Variants in DENND1A observed in about 807,000 individuals in gnomAD.
The protein encoded by DENND1A is DENN domain containing 1A.
Under a neutral mutation model 113.7 loss-of-function variants are expected in DENND1A, and 51 were observed. The ratio of observed to expected loss-of-function variants is 0.45; its 90% CI spans 0.36 to 0.57. DENND1A has a LOEUF of 0.57. DENND1A is among the 20% of genes least tolerant of loss of function. DENND1A has a pLI of 0.00. For missense variants in DENND1A, 1,258 were observed against 1,395.9 expected (o/e 0.90, Z 1.57); for synonymous variants, 565 against 570.8 (o/e 0.99, Z 0.14).
At chr9:123,394,460 G>A (rs1356029456) in intron 21 of DENND1A, among the ~76,000 whole-genome samples, 1 of 152,124 alleles carries the variant, frequency 6.6e-6, no homozygotes, top group Admixed American at 6.5e-5. Context: ...CAAGTCTGGG[G>A]GTGGTGCAAG....
chr9:123,818,393 C>T (rs1837868525), intron 2 of DENND1A, among the ~76,000 whole-genome samples: 1 of 152,012 alleles, frequency 6.6e-6, no homozygotes, highest in Non-Finnish European at 1.5e-5. Context: ...CGTGAGCCAC[C>T]GCACCTGGCC....
At chr9:123,729,933 A>G (rs1338645329) in intron 5 of DENND1A, among the ~76,000 whole-genome samples, 1 of 152,230 alleles carries the variant, frequency 6.6e-6, no homozygotes, top group Non-Finnish European at 1.5e-5. Context: ...GGAACAGAAC[A>G]GAGGCCTTAG....
chr9:123,570,027 C>T (rs994270305), intron 12 of DENND1A, among the ~76,000 whole-genome samples: 1 of 152,142 alleles, frequency 6.6e-6, no homozygotes, highest in Non-Finnish European at 1.5e-5. Flanking sequence ...CAACCACACA[C>T]CCTATGTTCT....
chr9:123,704,140 G>A (rs1448526039), intron 5 of DENND1A, among the ~76,000 whole-genome samples: 3 of 143,740 alleles, frequency 2.1e-5, no homozygotes, highest in African/African-American at 2.6e-5. Flanking sequence ...CTAGAGGCCC[G>A]AAAAATAAAA....
intron 1 of DENND1A, among the ~76,000 whole-genome samples, chr9:123,916,280 GA>G (rs1476447454): frequency 6.6e-6 from 1 of 151,904 alleles, no homozygotes; most frequent in East Asian, 1.9e-4. Context: ...ATTATAAAAT[GA>G]GAAAAGTTAA....
chr9:123,794,848 A>G (rs1833529931), intron 2 of DENND1A, among the ~76,000 whole-genome samples: 3 of 152,184 alleles, frequency 2.0e-5, no homozygotes, highest in Admixed American at 1.3e-4. Flanking sequence ...AAATCAACCT[A>G]TCTTAACACA....
At chr9:123,718,099 C>T (rs2067100069) in intron 5 of DENND1A, among the ~76,000 whole-genome samples, 1 of 152,170 alleles carries the variant, frequency 6.6e-6, no homozygotes, top group Admixed American at 6.5e-5. Context: ...CTGACAGATA[C>T]ATTTTGTAAA....
At chr9:123,555,045 T>C (rs10818834) in intron 13 of DENND1A, among the ~76,000 whole-genome samples, 56,035 of 152,010 alleles carry the variant, frequency 0.37, 11,400 homozygotes, top group African/African-American at 0.55. Flanking sequence ...ATTAAGCATT[T>C]CCTTTTGCAA....
intron 20 of DENND1A, among the ~76,000 whole-genome samples, chr9:123,404,165 C>T (rs376834838): frequency 6.6e-6 from 1 of 152,270 alleles, no homozygotes; most frequent in African/African-American, 2.4e-5. Context: ...CTTCCTAACC[C>T]CACAGCTGCT....
chr9:123,534,196 C>T (rs1421490299), intron 13 of DENND1A, among the ~76,000 whole-genome samples: 1 of 152,222 alleles, frequency 6.6e-6, no homozygotes, highest in Non-Finnish European at 1.5e-5. Flanking sequence ...AGTTTTTCCA[C>T]TGCCTCCTCT....
At chr9:123,737,091 G>C (rs1194401524) in intron 5 of DENND1A, among the ~76,000 whole-genome samples, 2 of 152,168 alleles carry the variant, frequency 1.3e-5, no homozygotes, top group African/African-American at 4.8e-5. Context: ...TCCTGCCTGG[G>C]TTAAAATTAT....
In DENND1A at chr9:123,526,709, T is replaced by C. The variant is rs1282951743; in HGVS notation, c.993+30861A>G. ...ATTCGCATCCCTTGGCGTTGGCATG[T>C]TATCCTGGATTTATCCTCACCTTTC... is the stretch of plus-strand genomic sequence containing the variant. On this transcript the variant is annotated intron_variant, in intron 13 of 23. Transcript: ENST00000394215. Among the ~76,000 whole-genome samples, 4 of 152,224 alleles carry C rather than the reference T, an allele frequency of 2.6e-5. No individual in the cohort carries two copies. In the East Asian group the frequency reaches 7.7e-4, roughly 29 times the overall value.
In DENND1A at chr9:123,802,940, G is replaced by C. The variant is rs142628004; in HGVS notation, c.89-10310C>G. Among the ~76,000 whole-genome samples, 654 of 152,274 alleles carry C rather than the reference G, an allele frequency of 4.3e-3. 4 individuals carry two copies. The highest frequency in any genetic ancestry group is 0.015 in the African/African-American group (618 of 41,548). On this transcript the variant is annotated intron_variant, in intron 2 of 23. Transcript: ENST00000394215. ...TGGTCTCTAACTCCCAACCTCAGGT[G>C]ATCTGCCCTCCTCAGCCTCCCAAAG...
chr9:123,669,805 G>GTTTC (rs1197368914), intron 7 of DENND1A, among the ~76,000 whole-genome samples: 4 of 152,236 alleles, frequency 2.6e-5, no homozygotes, highest in African/African-American at 4.8e-5. Flanking sequence ...TTGTAACAAG[G>GTTTC]TTTCTTTCTT....
intron 6 of DENND1A, among the ~76,000 whole-genome samples, chr9:123,675,386 G>C (rs773364119): frequency 1.3e-5 from 2 of 152,102 alleles, no homozygotes; most frequent in Non-Finnish European, 2.9e-5. Context: ...GCAAGACTTC[G>C]TAGAGCTTAC....
chr9:123,743,450 G>A (rs1230695950), intron 5 of DENND1A, among the ~76,000 whole-genome samples: 1 of 149,834 alleles, frequency 6.7e-6, no homozygotes. Flanking sequence ...TAAAAACATA[G>A]GCCGGGCGCG....
chr9:123,594,479 C>T (rs963251739), intron 11 of DENND1A, among the ~76,000 whole-genome samples: 20 of 151,986 alleles, frequency 1.3e-4, no homozygotes, highest in African/African-American at 4.8e-4. Context: ...TTTATTCTAC[C>T]CAAGGCATGG....
intron 13 of DENND1A, among the ~76,000 whole-genome samples, chr9:123,494,406 A>T (rs1305729241): frequency 6.6e-6 from 1 of 152,166 alleles, no homozygotes; most frequent in Non-Finnish European, 1.5e-5. Context: ...TGGTGGGGGT[A>T]CGTCAGTTTC....
intron 11 of DENND1A, among the ~76,000 whole-genome samples, chr9:123,588,633 A>AAAGG (rs1554894950): frequency 1.2e-5 from 1 of 86,448 alleles, no homozygotes; most frequent in Non-Finnish European, 2.3e-5. Flanking sequence ...AAAAAAAAAA[A>AAAGG]GGGGGGGGGG....
Sources: gnomAD v4.1 joint callset for allele counts (sites outside exome capture counted in the v4.1 genomes callset) on GRCh38, gnomAD v4.1.1 for gene constraint, MANE v1.5 for transcripts, NCBI Gene and HGNC (gene_info 2026-07-23, HGNC 2026-07-21) for gene names.